Variants in PRKG1 observed in about 807,000 individuals in gnomAD.
The protein encoded by PRKG1 is protein kinase cGMP-dependent 1, also known as cGMP-dependent protein kinase 1.
A neutral mutation model predicts 88.1 loss-of-function variants in PRKG1; 35 were observed. The ratio of observed to expected loss-of-function variants is 0.40; its 90% CI spans 0.30 to 0.53. PRKG1 has a LOEUF of 0.53. Ranked by LOEUF, PRKG1 falls within the 20% of genes least tolerant of loss-of-function variation. The pLI is 0.59. For synonymous variants in PRKG1, 303 were observed against 292.5 expected (o/e 1.04, Z -0.37); for missense variants, 540 against 839.8 (o/e 0.64, Z 4.41).
intron 2 of PRKG1, among the ~76,000 whole-genome samples, chr10:51,343,674 TA>T (rs1312237890): frequency 6.6e-6 from 1 of 152,176 alleles, no homozygotes; most frequent in Non-Finnish European, 1.5e-5. Flanking sequence ...CACGTATAAT[TA>T]CTAAAAAAAT....
In PRKG1 at chr10:52,166,839, G is replaced by GTATATATATATGTATATATATGTGTA. The variant is rs375678645; in HGVS notation, c.1076+4885_1076+4886insATGTATATATATGTGTATATATATAT. Among the ~76,000 whole-genome samples the GTATATATATATGTATATATATGTGTA allele has an allele frequency of 2.0e-4, 18 of 90,494 alleles. 1 individual carries two copies. Among genetic ancestry groups the GTATATATATATGTATATATATGTGTA allele is most frequent in the Admixed American group, 2.5e-4 (2 of 8,082 alleles). The allele number at this position is 90,494 out of a possible 152,430, so 59.4% of individuals were successfully genotyped here. A position where few individuals can be genotyped will look rare whatever the true frequency, so the allele number is the denominator to read the frequency against. ...TATATGTATATATATGTATATATAT[G>GTATATATATATGTATATATATGTGTA]TATATATATGTCTATATATATATCT... On this transcript the variant is annotated intron_variant, in intron 9 of 17. Coordinates refer to ENST00000373980, the MANE Select transcript of PRKG1 (RefSeq NM_006258.4).
At chr10:51,673,517 G>C (rs1840635023) in intron 3 of PRKG1, among the ~76,000 whole-genome samples, 1 of 152,102 alleles carries the variant, frequency 6.6e-6, no homozygotes, top group African/African-American at 2.4e-5. Context: ...AAATCATGAA[G>C]GATCTTGTGA....
intron 9 of PRKG1, among the ~76,000 whole-genome samples, chr10:52,172,043 C>T (rs1178098595): frequency 6.6e-6 from 1 of 151,358 alleles, no homozygotes; most frequent in East Asian, 1.9e-4. Context: ...ACCTCATGAT[C>T]CACCCGCCTC....
At chr10:52,048,838 G>A (rs1871080) in intron 5 of PRKG1, among the ~76,000 whole-genome samples, 23,391 of 151,860 alleles carry the variant, frequency 0.15, 1,873 homozygotes, top group East Asian at 0.29. Context: ...TTATAACTCC[G>A]TTTTCTTATT....
intron 9 of PRKG1, among the ~76,000 whole-genome samples, chr10:52,216,178 A>C (rs1266456333): frequency 6.6e-6 from 1 of 152,204 alleles, no homozygotes; most frequent in Non-Finnish European, 1.5e-5. Context: ...TCTTTTGATC[A>C]TTCTTGAATA....
At chr10:51,367,105 C>T (rs970906574) in intron 2 of PRKG1, among the ~76,000 whole-genome samples, 1 of 151,902 alleles carries the variant, frequency 6.6e-6, no homozygotes, top group African/African-American at 2.4e-5. Flanking sequence ...TCTCTTTGAG[C>T]AGTTTCATTT....
chr10:51,122,611 A>G (rs912751372), intron 1 of PRKG1, among the ~76,000 whole-genome samples: 3 of 152,170 alleles, frequency 2.0e-5, no homozygotes, highest in Admixed American at 6.6e-5. Flanking sequence ...CAAACTATCA[A>G]TAGTTATTGC....
chr10:51,818,165 A>G (rs940933029), intron 4 of PRKG1, among the ~76,000 whole-genome samples: 19 of 152,146 alleles, frequency 1.2e-4, no homozygotes, highest in African/African-American at 4.6e-4. Context: ...GAAACACATC[A>G]AAATTAGCTT....
chr10:51,114,649 G>T (rs9299463), intron 1 of PRKG1, among the ~76,000 whole-genome samples: 120,725 of 151,582 alleles, frequency 0.8, 48,634 homozygotes, highest in South Asian at 0.87. Context: ...GGTATTCTAA[G>T]TGGTCATTTA....
At chr10:51,590,912 T>C (rs1838296350) in intron 3 of PRKG1, among the ~76,000 whole-genome samples, 1 of 152,178 alleles carries the variant, frequency 6.6e-6, no homozygotes, top group Non-Finnish European at 1.5e-5. Context: ...ATTGAACACT[T>C]ACTTCTGTCA....
At chr10:51,312,025 C>G (rs946065693) in intron 2 of PRKG1, among the ~76,000 whole-genome samples, 2 of 152,056 alleles carry the variant, frequency 1.3e-5, no homozygotes, top group African/African-American at 4.8e-5. Context: ...GCATGTGCCA[C>G]CACACCCGGC....
chr10:51,647,279 C>A (rs566406288), intron 3 of PRKG1, among the ~76,000 whole-genome samples: 59 of 152,176 alleles, frequency 3.9e-4, no homozygotes, highest in African/African-American at 1.2e-3. Flanking sequence ...TGATGTGTAG[C>A]CCTGAAAAAG....
At chr10:52,186,201 G>A (rs985920988) in intron 9 of PRKG1, among the ~76,000 whole-genome samples, 5 of 152,162 alleles carry the variant, frequency 3.3e-5, no homozygotes, top group African/African-American at 1.2e-4. Context: ...TGCTTCTGGT[G>A]AGAGCCTTAG....
At chr10:51,887,870 G>A (rs1288582666) in intron 4 of PRKG1, among the ~76,000 whole-genome samples, 1 of 152,150 alleles carries the variant, frequency 6.6e-6, no homozygotes, top group Non-Finnish European at 1.5e-5. Flanking sequence ...GTAGCCAGAG[G>A]TTGTGGGGAG....
intron 3 of PRKG1, among the ~76,000 whole-genome samples, chr10:51,738,772 C>T (rs1837357064): frequency 6.6e-6 from 1 of 152,150 alleles, no homozygotes; most frequent in South Asian, 2.1e-4. Context: ...AAACTTCAAT[C>T]CCCCCTTTTA....
intron 3 of PRKG1, among the ~76,000 whole-genome samples, chr10:51,514,453 C>T (rs1841516674): frequency 6.6e-6 from 1 of 152,084 alleles, no homozygotes; most frequent in Non-Finnish European, 1.5e-5. Context: ...GGATGTGACT[C>T]CAGGGTCACC....
At chr10:51,626,099 CA>C (rs374431425) in intron 3 of PRKG1, among the ~76,000 whole-genome samples, 84 of 152,272 alleles carry the variant, frequency 5.5e-4, no homozygotes, top group South Asian at 1.9e-3. Context: ...TCGAAGTTGT[CA>C]CAAAGGGAAG....
chr10:51,015,291 T>C (rs563249367), intron 1 of PRKG1, among the ~76,000 whole-genome samples: 1 of 152,340 alleles, frequency 6.6e-6, no homozygotes, highest in South Asian at 2.1e-4. Flanking sequence ...GCCCACTATA[T>C]CTCCAACAAC....
intron 3 of PRKG1, among the ~76,000 whole-genome samples, chr10:51,779,988 A>G (rs1422326835): frequency 6.6e-6 from 1 of 152,140 alleles, no homozygotes; most frequent in African/African-American, 2.4e-5. Flanking sequence ...GTTGAGGGCT[A>G]AAGTGAGCCT....
Sources: allele counts gnomAD v4.1 joint callset (sites outside exome capture counted in the v4.1 genomes callset), GRCh38; gene constraint gnomAD v4.1.1; transcripts MANE v1.5; gene names NCBI Gene and HGNC (gene_info 2026-07-23, HGNC 2026-07-21).